The following CPNE9 variants were observed in gnomAD, a reference collection of about 807,000 sequenced individuals.
The protein encoded by CPNE9 is copine family member 9, also known as copine-9.
CPNE9 carries 59 observed loss-of-function variants against 83.0 expected under a neutral mutation model. The ratio of observed to expected loss-of-function variants is 0.71; its 90% CI spans 0.58 to 0.88. The LOEUF (loss-of-function observed/expected upper bound fraction) is 0.88. Among genes scored for constraint, CPNE9 ranks in the 40% least tolerant of loss-of-function variants. The probability of loss-of-function intolerance (pLI) is 0.00; values close to 1 mark genes in which losing one functional copy is unlikely to be tolerated. For synonymous variants in CPNE9, 256 were observed against 273.4 expected (o/e 0.94, Z 0.63); for missense variants, 619 against 720.8 (o/e 0.86, Z 1.62).
At chr3:9,706,265 T>C (rs1003509481) in intron 7 of CPNE9, among the ~76,000 whole-genome samples, 6 of 132,390 alleles carry the variant, frequency 4.5e-5, no homozygotes, top group Non-Finnish European at 9.3e-5. Context: ...TTTTCTTTTC[T>C]TTTTTTTTTT....
At chr3:9,722,499 T>C (rs781523576) in intron 17 of CPNE9, among the ~76,000 whole-genome samples, 4 of 151,932 alleles carry the variant, frequency 2.6e-5, no homozygotes, top group Admixed American at 6.6e-5. Context: ...ATGATGCCCA[T>C]TGTCTTCTAC....
At position 9,718,151 on chromosome 3, in the gene CPNE9, G is replaced by C. The variant is rs780756045; in HGVS notation, c.1054G>C (p.Ala352Pro). 5 of 1,614,128 alleles carry C rather than the reference G, an allele frequency of 3.1e-6. No individual in the cohort carries two copies. Among genetic ancestry groups the C allele is most frequent in the Non-Finnish European group, 2.5e-6 (3 of 1,180,004 alleles). The change falls in exon 16 of 21, where the codon GCT becomes CCT. Residue 352 changes from alanine to proline, a missense_variant. Around this residue, in one of 3 missense-constraint regions of CPNE9, gnomAD observed 438 missense variants for 562.9 expected, o/e 0.78. Transcript: ENST00000383832. ...QDYDSDKLFP[A>P]YGFGAKLPPE... ...CTATGACAGTGATAAGCTCTTCCCA[G>C]CTTATGGCTTTGGGGCCAAGCTGCC...
Position 9,703,838 on chromosome 3 carries a change from C to A in CPNE9, c.-159C>A. ...AGCCGCTGCCGCCGGCGGCCACTGT[C>A]AGGGCGCGAGCGGCTGGAGCGCACG... On this transcript the variant is annotated 5_prime_UTR_variant, in exon 1 of 21. Transcript: ENST00000383832. 1 of 418,208 alleles carries A rather than the reference C, an allele frequency of 2.4e-6. No homozygotes were observed. Among genetic ancestry groups the A allele is most frequent in the South Asian group, 7.8e-5 (1 of 12,742 alleles). 25.9% of individuals were successfully genotyped at this position (418,208 alleles called of 1,614,324 possible).
At chr3:9,723,471 CA>C (rs1272974873) in intron 17 of CPNE9, among the ~76,000 whole-genome samples, 50 of 138,634 alleles carry the variant, frequency 3.6e-4, no homozygotes, top group Admixed American at 5.1e-4. Flanking sequence ...GACTCTGTCT[CA>C]AAAAAAAAAA....
chr3:9,725,656 G>GTGTATATATGTA (rs1559646019), intron 17 of CPNE9, among the ~76,000 whole-genome samples: 5 of 71,302 alleles, frequency 7.0e-5, no homozygotes, highest in Non-Finnish European at 1.1e-4. Context: ...GTATATATGT[G>GTGTATATATGTA]TATATATGTA....
chr3:9,718,374 A>T, intron 16 of CPNE9, 101 bp from the exon 17 acceptor site: 4 of 1,500,346 alleles, frequency 2.7e-6, no homozygotes, highest in Non-Finnish European at 2.7e-6. Flanking sequence ...GGAGGGGAGC[A>T]TGAAAGGGAC....
At chr3:9,725,890 A>G (rs1413835891) in intron 17 of CPNE9, 59 bp from the exon 18 acceptor site, 4 of 1,273,490 alleles carry the variant, frequency 3.1e-6, no homozygotes, top group Non-Finnish European at 4.6e-6. Flanking sequence ...CTCTGGGGGT[A>G]AGGTGTTCCC....
In CPNE9 at chr3:9,704,600, C is replaced by T; in HGVS notation, c.82C>T (p.Leu28Phe). 6.2e-7 allele frequency: 1 copy of T among 1,614,036 alleles called. No individual in the cohort carries two copies. Among genetic ancestry groups the T allele is most frequent in the Non-Finnish European group, 8.5e-7 (1 of 1,179,878 alleles). The change falls in exon 2 of 21, where the codon CTT (leucine) becomes TTT (phenylalanine). Residue 28 changes from leucine to phenylalanine, a missense_variant. Around this residue, in one of 3 missense-constraint regions of CPNE9, gnomAD observed 130 missense variants for 117.5 expected, o/e 1.11. Transcript: ENST00000383832. The surrounding 1 kb of genome is among the most constrained non-coding windows in gnomAD (Gnocchi z 7.1). ...ITVSCRNLLD[L>F]DTFSKSDPMV... ...GCTTTTCTCTAGGAACCTGCTAGAC[C>T]TTGATACCTTCTCCAAGTCCGACCC...
At position 9,722,514 on chromosome 3, in the gene CPNE9, CT is replaced by C. The variant is rs879422539; in HGVS notation, c.1242-3423del. ...ATGATGCCCATTGTCTTCTACAGTT[CT>C]TTTTTTTTTTTAAGAGACAGGTTCT... On this transcript the variant is annotated intron_variant, in intron 17 of 20. Transcript: ENST00000383832. 2.2e-3 allele frequency among the ~76,000 whole-genome samples: 322 copies of C among 144,348 alleles called. 1 individual carries two copies. Among genetic ancestry groups the C allele is most frequent in the Admixed American group, 3.7e-3 (53 of 14,404 alleles). The allele number at this position is 144,348 out of a possible 152,430, so 94.7% of individuals were successfully genotyped here.
rs775616430 is a variant in CPNE9 at position 9,704,880 on chromosome 3, C to T, written c.157-11C>T. 2.5e-6 allele frequency: 4 copies of T among 1,610,276 alleles called. No homozygotes were observed. The South Asian group carries it at 4.4e-5, about 18-fold the overall frequency. ...GCACGTCCCACGCTGACCCTCCACCCCCCTACCCAGTTCGGACGGACCGAG... is the reference window on the plus strand; with the variant it reads ...GCACGTCCCACGCTGACCCTCCACCTCCCTACCCAGTTCGGACGGACCGAG... On this transcript the variant is annotated splice_polypyrimidine_tract_variant and intron_variant, in intron 3 of 20. Transcript: ENST00000383832. This position sits in a 1 kb window ranked among gnomAD's most constrained non-coding sequence, Gnocchi z 7.1.
At position 9,715,495 on chromosome 3, in the gene CPNE9, G is replaced by T; in HGVS notation, c.791G>T (p.Cys264Phe). The T allele has an allele frequency of 6.2e-7, 1 of 1,614,044 alleles. No individual in the cohort carries two copies. The highest frequency in any genetic ancestry group is 8.5e-7 in the Non-Finnish European group (1 of 1,179,926). ...VYEVLNPRKK[C>F]KKKKYVNSGT... The stretch of plus-strand genomic sequence containing the variant: ...TAGGTTCTTAACCCTCGGAAGAAAT[G>T]TAAGAAGAAGAAATATGTCAACTCA... Residue 264 changes from cysteine (C) to phenylalanine (F), a missense_variant, in exon 13 of 21, where the codon TGT (cysteine) becomes TTT (phenylalanine). By Grantham distance (205) the Cys-to-Phe change is radical. Transcript: ENST00000383832.
At position 9,704,494 on chromosome 3, in the gene CPNE9, C is replaced by T. The variant is rs1263682835; in HGVS notation, c.69-93C>T. On this transcript the variant is annotated intron_variant, in intron 1 of 20. Coordinates refer to ENST00000383832, the MANE Select transcript of CPNE9 (RefSeq NM_153635.3). This position sits in a 1 kb window ranked among gnomAD's most constrained non-coding sequence, Gnocchi z 7.1. ...ATGGGGGACAGAGGTTCGATGCGGGCCCCATGCCTCTCCTCAGTGCCCGGC... is the reference window on the plus strand; with the variant it reads ...ATGGGGGACAGAGGTTCGATGCGGGTCCCATGCCTCTCCTCAGTGCCCGGC... 3.7e-6 allele frequency: 4 copies of T among 1,073,662 alleles called. No homozygotes were observed. In the African/African-American group the frequency reaches 6.2e-5, roughly 17 times the overall value. 66.5% of individuals were successfully genotyped at this position (1,073,662 alleles called of 1,614,324 possible). A position where few individuals can be genotyped will look rare whatever the true frequency, so the allele number is the denominator to read the frequency against.
At chr3:9,715,935 C>T in intron 13 of CPNE9, 39 bp from the exon 14 acceptor site, 1 of 1,594,662 alleles carries the variant, frequency 6.3e-7, no homozygotes, top group Non-Finnish European at 8.6e-7. Context: ...CCCCAACTGC[C>T]TTTTCCAAAG....
In CPNE9 at chr3:9,704,746, C is replaced by T. The variant is rs2076542735; in HGVS notation, c.110-3C>T. 6.2e-7 allele frequency: 1 copy of T among 1,612,182 alleles called. No individual in the cohort carries two copies. The highest frequency in any genetic ancestry group is 8.5e-7 in the Non-Finnish European group (1 of 1,179,576). ...GTCCTTCCCTCCCCGCCCCCACCTG[C>T]AGTGGTGGTGCTTTACACGCAGAGC... On this transcript the variant is annotated splice_region_variant and splice_polypyrimidine_tract_variant and intron_variant, in intron 2 of 20. Coordinates refer to ENST00000383832, the MANE Select transcript of CPNE9 (RefSeq NM_153635.3). The surrounding 1 kb of genome is among the most constrained non-coding windows in gnomAD (Gnocchi z 7.1).
Position 9,713,024 on chromosome 3 carries a change from G to C in CPNE9, c.595G>C (p.Val199Leu). 1 of 1,614,210 alleles carries C rather than the reference G, an allele frequency of 6.2e-7. No individual in the cohort carries two copies. Among genetic ancestry groups the C allele is most frequent in the Non-Finnish European group, 8.5e-7 (1 of 1,180,036 alleles). Residue 199 changes from valine (V) to leucine (L), a missense_variant, in exon 10 of 21, where the codon GTG becomes CTG. Around this residue, in one of 3 missense-constraint regions of CPNE9, gnomAD observed 438 missense variants for 562.9 expected, o/e 0.78. Coordinates refer to ENST00000383832, the MANE Select transcript of CPNE9 (RefSeq NM_153635.3). ...GGTTGTGAAAAACACGCTGAATCCT[G>C]TGTGGCAGCCCTTCAGCATCCCTGT... The part of the protein sequence containing the change: ...TEVVKNTLNP[V>L]WQPFSIPVRA...
intron 17 of CPNE9, among the ~76,000 whole-genome samples, chr3:9,722,164 C>T (rs112911342): frequency 0.06 from 9,070 of 151,326 alleles, 446 homozygotes; most frequent in African/African-American, 0.11. Flanking sequence ...TGATCCACCC[C>T]CCCCCGCCAC....
intron 7 of CPNE9, 66 bp from the exon 8 acceptor site, chr3:9,712,475 G>C: frequency 1.5e-6 from 2 of 1,330,522 alleles, no homozygotes. Context: ...CCTAACCCCA[G>C]ACTGGCCACT....
At chr3:9,711,504 A>T (rs1031658123) in intron 7 of CPNE9, among the ~76,000 whole-genome samples, 1 of 152,190 alleles carries the variant, frequency 6.6e-6, no homozygotes, top group Non-Finnish European at 1.5e-5. Context: ...GGCGTGAGCC[A>T]TCGCGCCCAG....
In CPNE9 at chr3:9,718,895, G is replaced by T. The variant is rs186867930; in HGVS notation, c.1241+293G>T. ...CTCTGTTGCCATGCTGGAGTGCAGT[G>T]GCATGGTCTCGGCTCACTGCAACCT... On this transcript the variant is annotated intron_variant, in intron 17 of 20. Coordinates refer to ENST00000383832, the MANE Select transcript of CPNE9 (RefSeq NM_153635.3). 1.0e-2 allele frequency among the ~76,000 whole-genome samples: 1,473 copies of T among 148,020 alleles called. 7 individuals are homozygous for T. The highest frequency in any genetic ancestry group is 0.017 in the Non-Finnish European group (1,123 of 67,436).
Sources: gnomAD v4.1 joint callset for allele counts (sites outside exome capture counted in the v4.1 genomes callset) on GRCh38, gnomAD v4.1.1 for gene constraint, gnomAD v4.1.1 regional missense constraint, Gnocchi (gnomAD v3.1) non-coding constraint, MANE v1.5 for transcripts, NCBI Gene and HGNC (gene_info 2026-07-23, HGNC 2026-07-21) for gene names.